Variants in DTX4 observed in about 807,000 individuals in gnomAD.
DTX4 encodes the protein deltex E3 ubiquitin ligase 4, also known as E3 ubiquitin-protein ligase DTX4.
DTX4 carries 28 observed loss-of-function variants against 57.6 expected under a neutral mutation model. That is an observed-to-expected ratio of 0.49 (90% CI 0.36 to 0.67). The LOEUF is 0.67. DTX4 is among the 30% of genes least tolerant of loss of function. The pLI, the probability that DTX4 is intolerant of heterozygous loss-of-function variation, is 0.00. For missense variants in DTX4, 715 were observed against 836.8 expected, an observed-to-expected ratio of 0.85 and a Z score of 1.80; for synonymous variants, 316 against 331.0, an observed-to-expected ratio of 0.95 and a Z score of 0.49.
At chr11:59,174,276 TAG>T (rs1862366823) in intron 1 of DTX4, among the ~76,000 whole-genome samples, 1 of 151,420 alleles carries the variant, frequency 6.6e-6, no homozygotes. Context: ...GAGCAGAGAA[TAG>T]AGAGGAATGT....
rs1862821223 is a variant in DTX4, at chr11:59,207,060, C to T, written c.*2151C>T. ...CATGTACAGAGATTACTTGGAGAGC[C>T]TCATGCCGTCTCTACCTTCGCACAC... On this transcript the variant is annotated 3_prime_UTR_variant, in exon 9 of 9. Coordinates refer to ENST00000227451, the MANE Select transcript of DTX4 (RefSeq NM_015177.2). 2 of 152,342 alleles carry T rather than the reference C, an allele frequency of 1.3e-5. No individual in the cohort carries two copies. Among genetic ancestry groups the T allele is most frequent in the South Asian group, 4.2e-4 (2 of 4,816 alleles). 9.4% of individuals were successfully genotyped at this position (152,342 alleles called of 1,614,324 possible).
intron 1 of DTX4, among the ~76,000 whole-genome samples, chr11:59,177,325 C>T (rs140159496): frequency 4.3e-4 from 66 of 152,290 alleles, no homozygotes; most frequent in Admixed American, 7.8e-4. Flanking sequence ...GAGATTCTGA[C>T]GGAGGCGATC....
intron 7 of DTX4, among the ~76,000 whole-genome samples, chr11:59,195,602 C>T (rs1862656575): frequency 6.7e-6 from 1 of 149,310 alleles, no homozygotes; most frequent in Non-Finnish European, 1.5e-5. Context: ...CCACCCTTCC[C>T]TTTTTTTTTT....
At chr11:59,190,955 A>G (rs1862590035) in intron 4 of DTX4, among the ~76,000 whole-genome samples, 159 bp from the exon 5 acceptor site, 1 of 152,078 alleles carries the variant, frequency 6.6e-6, no homozygotes, top group Non-Finnish European at 1.5e-5. Flanking sequence ...CACAATCCAT[A>G]CTCTCTTCCA....
chr11:59,189,170 G>GGGA lies in DTX4; in HGVS notation c.1007_1009dup (p.Gly336_Ile337insArg). 1 of 1,613,390 alleles carries GGGA rather than the reference G, an allele frequency of 6.2e-7. No individual in the cohort carries two copies. On this transcript the variant is annotated inframe_insertion, in exon 4 of 9. Transcript: ENST00000227451. ...TGCCCTGCCCCTTCCAGGAATCACT[G>GGGA]GGATCCTCATGAGTGCAGCGGGGCT...
At position 59,204,953 on chromosome 11, in the gene DTX4, G is replaced by A. The variant is rs1862786957; in HGVS notation, c.*44G>A. On this transcript the variant is annotated 3_prime_UTR_variant, in exon 9 of 9. Transcript: ENST00000227451. ...GTGGGAGGGGCCATGGAGACTGCAG[G>A]ACAGGAAGTGAGGAGAGTGAGTCAA... 9.3e-6 allele frequency: 14 copies of A among 1,506,970 alleles called. No individual in the cohort carries two copies. The highest frequency in any genetic ancestry group is 1.3e-5 in the Non-Finnish European group (14 of 1,107,208). The allele number at this position is 1,506,970 out of a possible 1,614,324, so 93.3% of individuals were successfully genotyped here.
intron 2 of DTX4, among the ~76,000 whole-genome samples, chr11:59,184,984 C>T (rs1427946798): frequency 6.6e-6 from 1 of 152,210 alleles, no homozygotes; most frequent in Non-Finnish European, 1.5e-5. Flanking sequence ...CTTTCCCCCT[C>T]CTCTCTCTGC....
At chr11:59,195,450 A>G (rs1213977041) in intron 7 of DTX4, 81 bp downstream of exon 7, 8 of 1,459,104 alleles carry the variant, frequency 5.5e-6, no homozygotes, top group Non-Finnish European at 7.3e-6. Context: ...AAAGTTACAT[A>G]TGAAGAGTCT....
intron 4 of DTX4, among the ~76,000 whole-genome samples, 152 bp downstream of exon 4, chr11:59,189,475 G>A (rs941384836): frequency 2.0e-5 from 3 of 152,178 alleles, no homozygotes; most frequent in Non-Finnish European, 2.9e-5. Context: ...AAATCTTGAC[G>A]ATTATACCAC....
At position 59,205,044 on chromosome 11, in the gene DTX4, C is replaced by A; in HGVS notation, c.*135C>A. Reference sequence around the variant, plus strand: ...CTCCCCTCCTGCCCTGTGTCCATCCCTCATCCCTCCCAACCACAGTGGGAG... The same window carrying A: ...CTCCCCTCCTGCCCTGTGTCCATCCATCATCCCTCCCAACCACAGTGGGAG... On this transcript the variant is annotated 3_prime_UTR_variant, in exon 9 of 9. Transcript: ENST00000227451. The A allele has an allele frequency of 1.4e-6, 1 of 714,812 alleles. No individual in the cohort carries two copies. The highest frequency in any genetic ancestry group is 1.8e-5 in the South Asian group (1 of 56,434). 44.3% of individuals were successfully genotyped at this position (714,812 alleles called of 1,614,324 possible).
chr11:59,196,684 T>C (rs548997445), intron 7 of DTX4, among the ~76,000 whole-genome samples: 36 of 152,210 alleles, frequency 2.4e-4, no homozygotes, highest in Admixed American at 4.6e-4. Context: ...TAGATTCTCA[T>C]AGGAACACAA....
At position 59,189,804 on chromosome 11, in the gene DTX4, T is replaced by G. The variant is rs572330805; in HGVS notation, c.1159+481T>G. On this transcript the variant is annotated intron_variant, in intron 4 of 8. Coordinates refer to ENST00000227451, the MANE Select transcript of DTX4 (RefSeq NM_015177.2). ...AAGTAGTCCCTGTCCTGTGTCCCCC[T>G]AGAACCTACAGAAATCTCTGCTCTG... Among the ~76,000 whole-genome samples, 6 of 152,282 alleles carry G rather than the reference T, an allele frequency of 3.9e-5. No individual in the cohort carries two copies. The South Asian group carries it at 1.2e-3, about 32-fold the overall frequency.
intron 7 of DTX4, among the ~76,000 whole-genome samples, chr11:59,196,989 C>T (rs1432911045): frequency 6.6e-6 from 1 of 152,218 alleles, no homozygotes; most frequent in African/African-American, 2.4e-5. Flanking sequence ...TTGCACAAAA[C>T]CAGTCCCTGG....
rs556319490 is a variant in DTX4, at chr11:59,175,315, T to A, written c.211+2509T>A. ...CTCCTTTTTTGTTGCCTCCTCTGTA[T>A]GGGGACATTTCCTGACATGAGAGCT... On this transcript the variant is annotated intron_variant, in intron 1 of 8. Transcript: ENST00000227451. Among the ~76,000 whole-genome samples the A allele has an allele frequency of 1.8e-4, 27 of 152,366 alleles. No individual in the cohort carries two copies. In the South Asian group the frequency reaches 5.0e-3, roughly 28 times the overall value.
At position 59,191,028 on chromosome 11, in the gene DTX4, G is replaced by A. The variant is rs1011928377; in HGVS notation, c.1160-86G>A. 3.9e-5 allele frequency: 50 copies of A among 1,278,628 alleles called. No individual in the cohort carries two copies. The Middle Eastern group carries it at 7.7e-4, about 20-fold the overall frequency. The allele number at this position is 1,278,628 out of a possible 1,614,324, so 79.2% of individuals were successfully genotyped here. On this transcript the variant is annotated intron_variant, in intron 4 of 8. Transcript: ENST00000227451. Reference sequence around the variant, plus strand: ...TTTTGCTTTTAACTTGCCTGATAACGTCCCCCTCTACCATGTCTAGCACGA... The same window carrying A: ...TTTTGCTTTTAACTTGCCTGATAACATCCCCCTCTACCATGTCTAGCACGA...
intron 1 of DTX4, among the ~76,000 whole-genome samples, chr11:59,177,310 C>T (rs922254550): frequency 1.8e-4 from 27 of 152,104 alleles, no homozygotes; most frequent in African/African-American, 6.3e-4. Context: ...CAATTCATAC[C>T]CCAGGAGATT....
chr11:59,173,109 GTCTT>G (rs1417033802), intron 1 of DTX4, among the ~76,000 whole-genome samples: 2 of 152,154 alleles, frequency 1.3e-5, no homozygotes, highest in African/African-American at 4.8e-5. Flanking sequence ...GTGGCCCTAA[GTCTT>G]TCTATGTAGA....
At chr11:59,194,741 A>G (rs1414465878) in intron 6 of DTX4, among the ~76,000 whole-genome samples, 1 of 152,220 alleles carries the variant, frequency 6.6e-6, no homozygotes, top group African/African-American at 2.4e-5. Flanking sequence ...AGCCTGAAAC[A>G]TTATGCTTTG....
At chr11:59,177,022 G>A (rs529690529) in intron 1 of DTX4, among the ~76,000 whole-genome samples, 7 of 152,254 alleles carry the variant, frequency 4.6e-5, no homozygotes, top group African/African-American at 1.7e-4. Context: ...GCGTTGAATT[G>A]AACTCAACAA....
Sources: allele counts gnomAD v4.1 joint callset (sites outside exome capture counted in the v4.1 genomes callset), GRCh38; gene constraint gnomAD v4.1.1; transcripts MANE v1.5; gene names NCBI Gene and HGNC (gene_info 2026-07-23, HGNC 2026-07-21).